GNG2: variants seen among roughly 807,000 people sequenced by gnomAD.
GNG2 encodes guanine nucleotide-binding protein G(I)/G(S)/G(O) subunit gamma-2.
A neutral mutation model predicts 5.5 loss-of-function variants in GNG2; 5 were observed. The observed-to-expected ratio is 0.91, with a 90% confidence interval of 0.48 to 1.92. GNG2 has a LOEUF of 1.92. Among genes scored for constraint, GNG2 ranks in the 30% most tolerant of loss-of-function variants. The pLI is 0.01. For synonymous variants in GNG2, 28 were observed against 32.0 expected (o/e 0.88, Z 0.42); for missense variants, 55 against 88.4 (o/e 0.62, Z 1.52).
intron 2 of GNG2, among the ~76,000 whole-genome samples, chr14:51,938,023 G>A (rs76045471): frequency 0.032 from 4,870 of 152,298 alleles, 188 homozygotes; most frequent in East Asian, 0.14. Context: ...TCTCACATTC[G>A]TTCAGTGGCT....
rs1212303109 is a variant in GNG2, at chr14:51,968,333, T to C, written c.*1646T>C. On this transcript the variant is annotated 3_prime_UTR_variant, in exon 4 of 4. Coordinates refer to ENST00000556766, the MANE Select transcript of GNG2 (RefSeq NM_053064.5). The stretch of plus-strand genomic sequence containing the variant: ...ATCTCCCAATTAATTTTATTGTCTC[T>C]TTCCTCTCTATTCGCTTTCTCCTGT... 2.0e-5 allele frequency: 3 copies of C among 151,760 alleles called. No individual in the cohort carries two copies. Among genetic ancestry groups the C allele is most frequent in the Non-Finnish European group, 2.9e-5 (2 of 68,008 alleles). The allele number at this position is 151,760 out of a possible 1,614,324, so 9.4% of individuals were successfully genotyped here. A position where few individuals can be genotyped will look rare whatever the true frequency, so the allele number is the denominator to read the frequency against.
intron 2 of GNG2, among the ~76,000 whole-genome samples, chr14:51,948,014 G>C (rs1888739795): frequency 6.6e-6 from 1 of 152,208 alleles, no homozygotes. Flanking sequence ...CCCTAGTGTA[G>C]CAGTCATGCT....
At chr14:51,924,480 C>A (rs1478801909) in intron 2 of GNG2, among the ~76,000 whole-genome samples, 2 of 152,122 alleles carry the variant, frequency 1.3e-5, no homozygotes, top group Admixed American at 6.6e-5. Flanking sequence ...ATATGTGTTA[C>A]CTCAGTGAGA....
chr14:51,895,702 A>G (rs544605959), intron 2 of GNG2, among the ~76,000 whole-genome samples: 23 of 152,324 alleles, frequency 1.5e-4, no homozygotes, highest in African/African-American at 5.3e-4. Flanking sequence ...TATCCCACTG[A>G]TATGGTTTGG....
chr14:51,967,374 T>C lies in GNG2; in HGVS notation c.*687T>C, dbSNP rs929513460. 1.3e-5 allele frequency: 2 copies of C among 152,228 alleles called. No individual in the cohort carries two copies. The highest frequency in any genetic ancestry group is 3.9e-4 in the East Asian group (2 of 5,186). The allele number at this position is 152,228 out of a possible 1,614,324, so 9.4% of individuals were successfully genotyped here. A position where few individuals can be genotyped will look rare whatever the true frequency, so the allele number is the denominator to read the frequency against. ...CACTATTCCTAACATGTGTACATGA[T>C]AGCTTTGATTCTGCAAGTAAAAGTA... On this transcript the variant is annotated 3_prime_UTR_variant, in exon 4 of 4. Transcript: ENST00000556766.
chr14:51,906,773 T>TTTTTTTTTTTTTTTG (rs1594899112), intron 2 of GNG2, among the ~76,000 whole-genome samples: 1 of 148,496 alleles, frequency 6.7e-6, no homozygotes, highest in Admixed American at 6.7e-5. Flanking sequence ...TTTTTTTTTT[T>TTTTTTTTTTTTTTTG]GAGACGGAGT....
Position 51,951,940 on chromosome 14 carries a change from C to T in GNG2, c.87+1175C>T, listed in dbSNP as rs1889001294. ...ATGGTTCTCAGCTCATCTGTGCGTT[C>T]CCAACACCCAGAGAGCTCTATAAAA... On this transcript the variant is annotated intron_variant, in intron 3 of 3. Coordinates refer to ENST00000556766, the MANE Select transcript of GNG2 (RefSeq NM_053064.5). The T allele has an allele frequency of 4.3e-6, 3 of 699,654 alleles. No individual in the cohort carries two copies. The South Asian group carries it at 4.5e-5, about 10-fold the overall frequency. The allele number at this position is 699,654 out of a possible 1,614,324, so 43.3% of individuals were successfully genotyped here.
rs1002455284 is a variant in GNG2, at chr14:51,918,771, G to A, written c.-29-31879G>A. 2.0e-5 allele frequency among the ~76,000 whole-genome samples: 3 copies of A among 152,156 alleles called. No individual in the cohort carries two copies. In the East Asian group the frequency reaches 5.8e-4, roughly 29 times the overall value. ...GGGTTGAAATAAACAAGGTGTTACT[G>A]TTTTTGGAGAAATTCTTGTGTATCA... On this transcript the variant is annotated intron_variant, in intron 2 of 3. Coordinates refer to ENST00000556766, the MANE Select transcript of GNG2 (RefSeq NM_053064.5).
At chr14:51,914,663 G>A (rs780998439) in intron 2 of GNG2, among the ~76,000 whole-genome samples, 1 of 152,180 alleles carries the variant, frequency 6.6e-6, no homozygotes, top group African/African-American at 2.4e-5. Flanking sequence ...TTGCGGCCTG[G>A]ATCTGGTAGA....
intron 3 of GNG2, among the ~76,000 whole-genome samples, chr14:51,958,095 G>A (rs1165790590): frequency 6.6e-6 from 1 of 152,170 alleles, no homozygotes; most frequent in African/African-American, 2.4e-5. Flanking sequence ...TTATTCAGTG[G>A]TGTACAGTCT....
intron 1 of GNG2, among the ~76,000 whole-genome samples, chr14:51,868,767 C>T (rs1010772403): frequency 7.9e-5 from 12 of 152,114 alleles, no homozygotes; most frequent in Non-Finnish European, 1.3e-4. Context: ...AGCAGCTTTT[C>T]GATAAACTTT....
chr14:51,856,076 G>T (rs995125751), upstream of GNG2, among the ~76,000 whole-genome samples: 1 of 152,226 alleles, frequency 6.6e-6, no homozygotes. Flanking sequence ...TACTCGGGAA[G>T]CTGAGGCAGG....
At chr14:51,932,908 C>T (rs1887750408) in intron 2 of GNG2, among the ~76,000 whole-genome samples, 1 of 151,584 alleles carries the variant, frequency 6.6e-6, no homozygotes, top group African/African-American at 2.4e-5. Flanking sequence ...GGGGTGGGGG[C>T]GCCTAAATCC....
chr14:51,851,289 C>T (rs1417274248), intron 2 of GNG2, among the ~76,000 whole-genome samples: 2 of 150,110 alleles, frequency 1.3e-5, no homozygotes, highest in East Asian at 4.0e-4. Context: ...TATGCATACT[C>T]ATCATTCTAC....
At chr14:51,896,984 A>G (rs183378673) in intron 2 of GNG2, among the ~76,000 whole-genome samples, 1 of 152,354 alleles carries the variant, frequency 6.6e-6, no homozygotes, top group East Asian at 1.9e-4. Context: ...ACAAATAATA[A>G]AGTGAGTAAA....
At chr14:51,901,561 G>A (rs1473664931) in intron 2 of GNG2, among the ~76,000 whole-genome samples, 1 of 152,148 alleles carries the variant, frequency 6.6e-6, no homozygotes. Flanking sequence ...CCATGGCGGG[G>A]TAGTGGACAT....
chr14:51,883,123 G>A (rs1884213452), intron 2 of GNG2, among the ~76,000 whole-genome samples: 1 of 151,812 alleles, frequency 6.6e-6, no homozygotes, highest in African/African-American at 2.4e-5. Flanking sequence ...TTTATTAACA[G>A]TCTCCTTAAG....
intron 2 of GNG2, among the ~76,000 whole-genome samples, chr14:51,850,467 C>T (rs1254826112): frequency 1.3e-5 from 2 of 152,096 alleles, no homozygotes; most frequent in East Asian, 1.9e-4. Flanking sequence ...TTCTGTGGCA[C>T]ATATGAGGCT....
At chr14:51,855,895 A>G (rs1339897852), upstream of GNG2, among the ~76,000 whole-genome samples, 4 of 152,162 alleles carry the variant, frequency 2.6e-5, no homozygotes, top group Non-Finnish European at 4.4e-5. Context: ...CAAGTCAATC[A>G]AAAAATAAAG....
Sources: allele counts gnomAD v4.1 joint callset (sites outside exome capture counted in the v4.1 genomes callset), GRCh38; gene constraint gnomAD v4.1.1; transcripts MANE v1.5; gene names NCBI Gene and HGNC (gene_info 2026-07-23, HGNC 2026-07-21).